RNF150: variants seen among roughly 807,000 people sequenced by gnomAD.
The protein encoded by RNF150 is ring finger protein 150.
In RNF150, 24 loss-of-function variants were observed where a neutral mutation model predicts 39.3. That is an observed-to-expected ratio of 0.61 (90% confidence interval 0.44 to 0.86). RNF150 has a LOEUF of 0.86. Among genes scored for constraint, RNF150 ranks in the 40% least tolerant of loss-of-function variants. The pLI is 0.00. For synonymous variants in RNF150, 255 were observed against 227.3 expected (o/e 1.12, Z -1.10); for missense variants, 502 against 587.8 (o/e 0.85, Z 1.51).
intron 1 of RNF150, among the ~76,000 whole-genome samples, chr4:141,183,149 G>A (rs1216253084): frequency 6.6e-6 from 1 of 152,046 alleles, no homozygotes; most frequent in Non-Finnish European, 1.5e-5. Flanking sequence ...CCAAGAAGCA[G>A]TGGCTCATTA....
chr4:141,155,238 A>G (rs1031822080), intron 1 of RNF150, among the ~76,000 whole-genome samples: 1 of 146,438 alleles, frequency 6.8e-6, no homozygotes, highest in Non-Finnish European at 1.5e-5. Flanking sequence ...GGCATGCACC[A>G]CCACACCCGG....
Position 141,132,258 on chromosome 4 carries a change from C to G in RNF150, c.484+67G>C. 6.7e-7 allele frequency: 1 copy of G among 1,501,006 alleles called. No individual in the cohort carries two copies. The highest frequency in any genetic ancestry group is 9.0e-7 in the Non-Finnish European group (1 of 1,108,800). The allele number at this position is 1,501,006 out of a possible 1,614,324, so 93.0% of individuals were successfully genotyped here. A position where few individuals can be genotyped will look rare whatever the true frequency, so the allele number is the denominator to read the frequency against. On this transcript the variant is annotated intron_variant, in intron 1 of 6. Transcript: ENST00000515673. This position sits in a 1 kb window ranked among gnomAD's most constrained non-coding sequence, Gnocchi z 4.9. ...TTCCCAGAAGGAGCCTGGAGGCAGG[C>G]GCTGGATCCCTCTAGGCACCTCCGT...
At chr4:141,004,571 G>C (rs1032310125) in intron 1 of RNF150, among the ~76,000 whole-genome samples, 2 of 152,188 alleles carry the variant, frequency 1.3e-5, no homozygotes, top group Non-Finnish European at 2.9e-5. Context: ...TTGTTGGTGA[G>C]AACTCTCCCA....
At chr4:141,054,585 T>C (rs1262968821) in intron 1 of RNF150, among the ~76,000 whole-genome samples, 1 of 152,110 alleles carries the variant, frequency 6.6e-6, no homozygotes, top group Non-Finnish European at 1.5e-5. Context: ...AAGGGTGCTA[T>C]GAATTGGCCT....
intron 6 of RNF150, among the ~76,000 whole-genome samples, chr4:140,878,474 C>T (rs1027044053): frequency 3.3e-5 from 5 of 152,078 alleles, no homozygotes; most frequent in Non-Finnish European, 5.9e-5. Context: ...TGCCTGGCCT[C>T]ATTGTGGTTT....
At chr4:141,114,177 T>C (rs1008195241) in intron 1 of RNF150, among the ~76,000 whole-genome samples, 2 of 151,334 alleles carry the variant, frequency 1.3e-5, no homozygotes, top group African/African-American at 2.4e-5. Context: ...TTGAAGGAGA[T>C]AGAGACATGA....
chr4:141,111,426 G>A (rs1169727834), intron 1 of RNF150, among the ~76,000 whole-genome samples: 3 of 152,020 alleles, frequency 2.0e-5, no homozygotes, highest in South Asian at 2.1e-4. Flanking sequence ...GGATAATTTC[G>A]ATGATATAGG....
chr4:141,014,586 A>G (rs955597527), intron 1 of RNF150, among the ~76,000 whole-genome samples: 1 of 152,178 alleles, frequency 6.6e-6, no homozygotes, highest in Non-Finnish European at 1.5e-5. Context: ...TTTCCTAATG[A>G]TCAGTGAAAC....
chr4:141,018,761 C>A (rs948636205), intron 1 of RNF150, among the ~76,000 whole-genome samples: 1 of 151,976 alleles, frequency 6.6e-6, no homozygotes, highest in African/African-American at 2.4e-5. Context: ...GGGGAATTTA[C>A]AAAATGCCAC....
intron 1 of RNF150, among the ~76,000 whole-genome samples, chr4:140,992,468 T>C (rs937201603): frequency 1.3e-5 from 2 of 152,150 alleles, no homozygotes; most frequent in African/African-American, 4.8e-5. Flanking sequence ...CAGTACTGCT[T>C]CTTTCTGGGG....
intron 6 of RNF150, among the ~76,000 whole-genome samples, chr4:140,910,338 A>G (rs1009875080): frequency 6.6e-6 from 1 of 152,170 alleles, no homozygotes; most frequent in Non-Finnish European, 1.5e-5. Context: ...TTTAACCTTA[A>G]ACCTAAGCTA....
intron 6 of RNF150, among the ~76,000 whole-genome samples, chr4:140,880,558 T>C (rs28853375): frequency 0.046 from 6,977 of 151,968 alleles, 420 homozygotes; most frequent in African/African-American, 0.14. Context: ...TTTTTTTTTT[T>C]TGGAAGAGTT....
intron 1 of RNF150, among the ~76,000 whole-genome samples, chr4:141,063,292 T>C (rs955281094): frequency 2.6e-5 from 4 of 152,220 alleles, no homozygotes; most frequent in African/African-American, 9.6e-5. Flanking sequence ...ATGATATAAA[T>C]AAACAAAATT....
At position 141,204,539 on chromosome 4, in the gene RNF150, T is replaced by C. The variant is rs569323859; in HGVS notation, c.-6+8255A>G. The stretch of plus-strand genomic sequence containing the variant: ...TATTTTGCATCCCATCTCCTCCCTT[T>C]CCTATGAGTATGTGCCATTTAAGTT... On this transcript the variant is annotated intron_variant, in intron 1 of 7. Transcript: ENST00000420921. Among the ~76,000 whole-genome samples the C allele has an allele frequency of 3.9e-3, 590 of 152,270 alleles. 6 individuals carry two copies. The highest frequency in any genetic ancestry group is 0.014 in the African/African-American group (574 of 41,550).
intron 1 of RNF150, among the ~76,000 whole-genome samples, chr4:141,127,151 G>T (rs901178120): frequency 2.7e-5 from 4 of 146,698 alleles, no homozygotes; most frequent in Non-Finnish European, 4.5e-5. Context: ...TGCAAGCCGA[G>T]ATCTACCACT....
At chr4:141,057,675 C>T (rs1737038242) in intron 1 of RNF150, among the ~76,000 whole-genome samples, 1 of 152,124 alleles carries the variant, frequency 6.6e-6, no homozygotes, top group South Asian at 2.1e-4. Flanking sequence ...TCCTTGGTTT[C>T]CTGATAACCT....
intron 5 of RNF150, among the ~76,000 whole-genome samples, chr4:140,925,428 C>G (rs2111319966): frequency 6.6e-6 from 1 of 152,320 alleles, no homozygotes; most frequent in Middle Eastern, 3.4e-3. Context: ...GAACTAAGTG[C>G]TAGCATTAAG....
chr4:140,969,004 G>A (rs999713688), intron 1 of RNF150, among the ~76,000 whole-genome samples: 1 of 151,966 alleles, frequency 6.6e-6, no homozygotes, highest in Non-Finnish European at 1.5e-5. Flanking sequence ...ATTAAAGGGA[G>A]GAAATTTGCA....
intron 6 of RNF150, among the ~76,000 whole-genome samples, chr4:140,895,056 T>G (rs1560952205): frequency 6.6e-6 from 1 of 152,146 alleles, no homozygotes; most frequent in Non-Finnish European, 1.5e-5. Flanking sequence ...GAACATTACC[T>G]TTGTGGATCC....
Sources: gnomAD v4.1 joint callset for allele counts (sites outside exome capture counted in the v4.1 genomes callset) on GRCh38, gnomAD v4.1.1 for gene constraint, Gnocchi (gnomAD v3.1) non-coding constraint, MANE v1.5 for transcripts, NCBI Gene and HGNC (gene_info 2026-07-23, HGNC 2026-07-21) for gene names.